Variants in FAM227A observed in about 807,000 individuals in gnomAD.
FAM227A encodes family with sequence similarity 227 member A, also known as protein FAM227A.
A neutral mutation model predicts 74.7 loss-of-function variants in FAM227A; 80 were observed. The observed-to-expected ratio is 1.07, with a 90% CI of 0.89 to 1.29. FAM227A has a LOEUF of 1.29. Among genes scored for constraint, FAM227A ranks in the 50% most tolerant of loss-of-function variants. FAM227A has a pLI of 0.00. For missense variants in FAM227A, 654 were observed against 683.4 expected, an observed-to-expected ratio of 0.96 and a Z score of 0.48; for synonymous variants, 237 against 241.8, an observed-to-expected ratio of 0.98 and a Z score of 0.19.
chr22:38,617,401 A>G (rs1373529212), intron 11 of FAM227A, among the ~76,000 whole-genome samples: 1 of 151,240 alleles, frequency 6.6e-6, no homozygotes, highest in Non-Finnish European at 1.5e-5. Context: ...GTTAAAGCAA[A>G]TCTCTTGCCT....
chr22:38,621,308 C>G (rs1355107692), intron 10 of FAM227A, among the ~76,000 whole-genome samples: 1 of 148,482 alleles, frequency 6.7e-6, no homozygotes, highest in Non-Finnish European at 1.5e-5. Flanking sequence ...CGAGATCACG[C>G]CACTGCACTC....
chr22:38,620,378 T>G, intron 10 of FAM227A, 87 bp from the exon 11 acceptor site: 1 of 1,035,176 alleles, frequency 9.7e-7, no homozygotes, highest in Non-Finnish European at 1.5e-6. Flanking sequence ...GCCTCCTTTC[T>G]GGAGACAGTG....
chr22:38,637,531 G>A (rs1184732727), intron 5 of FAM227A, among the ~76,000 whole-genome samples: 1 of 152,202 alleles, frequency 6.6e-6, no homozygotes, highest in Non-Finnish European at 1.5e-5. Context: ...ACCCAAAGGT[G>A]CCCACTGAAA....
At chr22:38,631,099 C>T (rs1331298210) in intron 6 of FAM227A, among the ~76,000 whole-genome samples, 2 of 151,964 alleles carry the variant, frequency 1.3e-5, no homozygotes, top group Admixed American at 6.6e-5. Flanking sequence ...ACCTGGGAGG[C>T]GGAGGTTGCA....
At chr22:38,600,010 C>G (rs1481824867) in intron 13 of FAM227A, 89 bp from the exon 14 acceptor site, 9 of 1,187,682 alleles carry the variant, frequency 7.6e-6, no homozygotes, top group Non-Finnish European at 1.0e-5. Context: ...GCACTCATGT[C>G]CTTTGATCCA....
Position 38,626,217 on chromosome 22 carries a change from C to G in FAM227A, c.813G>C (p.Lys271Asn), listed in dbSNP as rs953632986. 6.4e-7 allele frequency: 1 copy of G among 1,551,538 alleles called. No individual in the cohort carries two copies. The highest frequency in any genetic ancestry group is 8.7e-7 in the Non-Finnish European group (1 of 1,146,974). Residue 271 changes from lysine (K) to asparagine (N), a missense_variant, in exon 9 of 17, where the codon AAG becomes AAC. By Grantham distance (94) the Lys-to-Asn change is moderately conservative (BLOSUM62 0). Transcript: ENST00000535113. ...PQSWFDTHEF[K>N]SDICNTMSLW... ...GGCTCATTGTGTTACAGATGTCAGA[C>G]TTGAATTCGTGCGTGTCGAACCAGG...
chr22:38,624,044 GAGA>G (rs2091746477), intron 9 of FAM227A, among the ~76,000 whole-genome samples: 1 of 152,148 alleles, frequency 6.6e-6, no homozygotes, highest in Non-Finnish European at 1.5e-5. Context: ...ACGGCAAGAA[GAGA>G]AGACAGTCAG....
At position 38,638,602 on chromosome 22, in the gene FAM227A, G is replaced by A. The variant is rs1379006820; in HGVS notation, c.372+144C>T. ...AGCTCTGCTGTTGTAAGGGTGTTAT[G>A]AGAAATTCTAGATTCAGGAGCTCTG... On this transcript the variant is annotated intron_variant, in intron 5 of 16. Coordinates refer to ENST00000535113, the MANE Select transcript of FAM227A (RefSeq NM_001013647.2). 6.0e-6 allele frequency: 4 copies of A among 671,684 alleles called. No homozygotes were observed. In the East Asian group the frequency reaches 1.1e-4, roughly 18 times the overall value. The allele number at this position is 671,684 out of a possible 1,614,324, so 41.6% of individuals were successfully genotyped here.
intron 15 of FAM227A, among the ~76,000 whole-genome samples, chr22:38,595,358 G>C (rs1174006916): frequency 6.6e-6 from 1 of 152,162 alleles, no homozygotes. Flanking sequence ...TTCCCTTGCA[G>C]ACAGGGTGGC....
In FAM227A at chr22:38,623,434, A is replaced by T. The variant is rs148584011; in HGVS notation, c.851-155T>A. Among the ~76,000 whole-genome samples the T allele has an allele frequency of 3.2e-3, 491 of 152,232 alleles. 5 individuals carry two copies. Among genetic ancestry groups the T allele is most frequent in the African/African-American group, 0.01 (431 of 41,536 alleles). On this transcript the variant is annotated intron_variant, in intron 9 of 16. Transcript: ENST00000535113. Reference sequence around the variant, plus strand: ...CTCCGTCTCTATTTAAAAAGAAATTAAAAAAAGAGTGAAAATGGACGCTTC... The same window carrying T: ...CTCCGTCTCTATTTAAAAAGAAATTTAAAAAAGAGTGAAAATGGACGCTTC...
At chr22:38,607,082 C>A (rs553941877) in intron 12 of FAM227A, among the ~76,000 whole-genome samples, 1 of 148,790 alleles carries the variant, frequency 6.7e-6, no homozygotes, top group South Asian at 2.1e-4. Context: ...GAGGTTGAGG[C>A]AGGAGAATCG....
At chr22:38,603,219 G>A (rs1459834965) in intron 13 of FAM227A, among the ~76,000 whole-genome samples, 2 of 152,144 alleles carry the variant, frequency 1.3e-5, no homozygotes, top group Non-Finnish European at 2.9e-5. Context: ...TGGGCTGGGA[G>A]CAGTGGCTCA....
chr22:38,621,801 G>C (rs1433447183), intron 10 of FAM227A, among the ~76,000 whole-genome samples: 1 of 152,156 alleles, frequency 6.6e-6, no homozygotes, highest in Non-Finnish European at 1.5e-5. Context: ...TTGGAGAGAT[G>C]CTGATGCTGC....
chr22:38,652,700 C>A (rs1190658486), intron 1 of FAM227A, among the ~76,000 whole-genome samples: 1 of 151,014 alleles, frequency 6.6e-6, no homozygotes, highest in Non-Finnish European at 1.5e-5. Flanking sequence ...TTCTGGCTAA[C>A]ATGGTGAAAC....
At chr22:38,587,763 C>T (rs912283046) in intron 16 of FAM227A, among the ~76,000 whole-genome samples, 4 of 152,028 alleles carry the variant, frequency 2.6e-5, no homozygotes, top group Non-Finnish European at 4.4e-5. Context: ...CAGAACTAGA[C>T]AAAGAAATGA....
rs1367069878 is a variant in FAM227A, at chr22:38,578,588, T to A, written c.*7537A>T. On this transcript the variant is annotated 3_prime_UTR_variant, in exon 17 of 17. Transcript: ENST00000535113. ...GTAGGTACCTGCCCTCAAGGAGCCA[T>A]GAGTCTAGTAGAGAAGACAATGCAG... is the stretch of plus-strand genomic sequence containing the variant. 1 of 152,082 alleles carries A rather than the reference T, an allele frequency of 6.6e-6. No individual in the cohort carries two copies. The highest frequency in any genetic ancestry group is 1.9e-4 in the East Asian group (1 of 5,180). 9.4% of individuals were successfully genotyped at this position (152,082 alleles called of 1,614,324 possible). A position where few individuals can be genotyped will look rare whatever the true frequency, so the allele number is the denominator to read the frequency against.
At chr22:38,593,944 G>A (rs190812363) in intron 15 of FAM227A, among the ~76,000 whole-genome samples, 1 of 152,068 alleles carries the variant, frequency 6.6e-6, no homozygotes, top group Non-Finnish European at 1.5e-5. Context: ...CACCCGCCTC[G>A]GCCTCCCAAA....
chr22:38,634,037 G>T (rs1232523455), intron 6 of FAM227A, among the ~76,000 whole-genome samples: 1 of 151,710 alleles, frequency 6.6e-6, no homozygotes, highest in African/African-American at 2.4e-5. Flanking sequence ...TGGCAAACAT[G>T]GGGAAACCCT....
chr22:38,640,922 G>T (rs2092101195), intron 3 of FAM227A, among the ~76,000 whole-genome samples: 1 of 152,168 alleles, frequency 6.6e-6, no homozygotes. Flanking sequence ...GTGTGTGCCA[G>T]TGGTGGGGGG....
Sources: allele counts gnomAD v4.1 joint callset (sites outside exome capture counted in the v4.1 genomes callset), GRCh38; gene constraint gnomAD v4.1.1; transcripts MANE v1.5; gene names NCBI Gene and HGNC (gene_info 2026-07-23, HGNC 2026-07-21).